The following NOTCH3 variants were observed in gnomAD, a reference collection of about 807,000 sequenced individuals.
NOTCH3 encodes notch receptor 3, also known as neurogenic locus notch homolog protein 3.
A neutral mutation model predicts 213.3 loss-of-function variants in NOTCH3; 86 were observed. That is an observed-to-expected ratio of 0.40 (90% CI 0.34 to 0.48). NOTCH3 has a LOEUF of 0.48. NOTCH3 is among the 20% of genes least tolerant of loss of function. NOTCH3 has a pLI of 0.57. For missense variants in NOTCH3, 2,783 were observed against 3,272.6 expected (o/e 0.85, Z 3.65); for synonymous variants, 1,354 against 1,355.9 (o/e 1.00, Z 0.03).
chr19:15,165,844 G>A lies in NOTCH3; in HGVS notation c.5610C>T (p.His1870=). The A allele has an allele frequency of 6.2e-7, 1 of 1,613,992 alleles. No homozygotes were observed. The highest frequency in any genetic ancestry group is 8.5e-7 in the Non-Finnish European group (1 of 1,180,024). The part of the protein sequence containing the change: ...DAGADTNAQD[H]SGRTPLHTAV... ...CTGTGTGCAGGGGAGTGCGGCCTGAGTGGTCCTGGGCATTGGTGTCTGCCC... is the reference window on the plus strand; with the variant it reads ...CTGTGTGCAGGGGAGTGCGGCCTGAATGGTCCTGGGCATTGGTGTCTGCCC... Residue 1870 remains histidine (H), a synonymous_variant, in exon 30 of 33, where the codon CAC becomes CAT. Transcript: ENST00000263388. This position sits in a 1 kb window ranked among gnomAD's most constrained non-coding sequence, Gnocchi z 4.7.
intron 1 of NOTCH3, among the ~76,000 whole-genome samples, chr19:15,199,817 G>T (rs1362832106): frequency 6.6e-6 from 1 of 151,846 alleles, no homozygotes; most frequent in Non-Finnish European, 1.5e-5. Context: ...CCCGCCCAGC[G>T]CCAAGCCCCA....
At chr19:15,197,441 G>GGGCCCC in intron 2 of NOTCH3, 59 bp downstream of exon 2, 58 of 768,236 alleles carry the variant, frequency 7.5e-5, no homozygotes, top group Middle Eastern at 5.6e-4. Flanking sequence ...AAGACAAATC[G>GGGCCCC]CCCCTCCCCC....
At chr19:15,196,988 A>G (rs2046974340) in intron 2 of NOTCH3, among the ~76,000 whole-genome samples, 1 of 152,134 alleles carries the variant, frequency 6.6e-6, no homozygotes, top group Non-Finnish European at 1.5e-5. Flanking sequence ...CACAGGTGCA[A>G]TGATGATCAG....
At position 15,181,018 on chromosome 19, in the gene NOTCH3, G is replaced by A. The variant is rs754924193; in HGVS notation, c.2937C>T (p.Ala979=). The change falls in exon 18 of 33, where the codon GCC becomes GCT. Residue 979 remains alanine, a synonymous_variant. Coordinates refer to ENST00000263388, the MANE Select transcript of NOTCH3 (RefSeq NM_000435.3). The part of the protein sequence containing the change: ...RPCLHGGVCS[A]AHPGFRCTCL... ...AGGTGCAGCGGAAGCCAGGGTGGGC[G>A]GCGCTGCAGACGCCCCCGTGTAGGC... is the stretch of plus-strand genomic sequence containing the variant. 34 of 1,598,738 alleles carry A rather than the reference G, an allele frequency of 2.1e-5. No homozygotes were observed. Among genetic ancestry groups the A allele is most frequent in the Non-Finnish European group, 2.8e-5 (33 of 1,173,790 alleles).
At chr19:15,172,679 T>C (rs2046744555) in intron 25 of NOTCH3, among the ~76,000 whole-genome samples, 1 of 151,202 alleles carries the variant, frequency 6.6e-6, no homozygotes, top group African/African-American at 2.4e-5. Context: ...TTTTTTTTTT[T>C]TTTTGAGACA....
chr19:15,179,490 G>A lies in NOTCH3; in HGVS notation c.3334C>T (p.Pro1112Ser). ...YMGGYMCECL[P>S]GYNGDNCEDD... ...TCACAGTTATCACCATTGTAGCCAG[G>A]AAGACACTTCAGTGGGGTAAGAGAG... is the stretch of plus-strand genomic sequence containing the variant. Residue 1112 changes from proline (P) to serine (S), a missense_variant, in exon 21 of 33, where the codon CCT becomes TCT. By Grantham distance (74) the Pro-to-Ser change is moderately conservative (BLOSUM62 -1). Around this residue, in one of 6 missense-constraint regions of NOTCH3, gnomAD observed 861 missense variants for 909.1 expected, o/e 0.95. Coordinates refer to ENST00000263388, the MANE Select transcript of NOTCH3 (RefSeq NM_000435.3). The A allele has an allele frequency of 6.2e-7, 1 of 1,613,970 alleles. No individual in the cohort carries two copies. Among genetic ancestry groups the A allele is most frequent in the African/African-American group, 1.3e-5 (1 of 75,032 alleles).
chr19:15,178,542 G>T lies in NOTCH3; in HGVS notation c.3837+281C>A, dbSNP rs567777827. On this transcript the variant is annotated intron_variant, in intron 23 of 32. Transcript: ENST00000263388. ...TGGGATTACAGGCAGCTGCCACTAC[G>T]CCCGGCTAATTTTTATATTTTTAGT... The T allele has an allele frequency of 4.2e-4, 205 of 493,902 alleles. 1 individual carries two copies. The highest frequency in any genetic ancestry group is 6.8e-4 in the Non-Finnish European group (182 of 269,088). 30.6% of individuals were successfully genotyped at this position (493,902 alleles called of 1,614,324 possible).
rs2046869640 is a variant in NOTCH3 at position 15,185,022 on chromosome 19, G to A, written c.2297-3C>T. On this transcript the variant is annotated splice_polypyrimidine_tract_variant and splice_region_variant and intron_variant, in intron 14 of 32. Transcript: ENST00000263388. This position sits in a 1 kb window ranked among gnomAD's most constrained non-coding sequence, Gnocchi z 4.2. ...GGAGAGGAGTTCACACTGACGTCCT[G>A]TTGGGGGTGGAAGAGAGGGAAGCAG... 2.7e-6 allele frequency: 4 copies of A among 1,457,658 alleles called. No homozygotes were observed. Among genetic ancestry groups the A allele is most frequent in the Non-Finnish European group, 3.7e-6 (4 of 1,073,024 alleles). The allele number at this position is 1,457,658 out of a possible 1,614,324, so 90.3% of individuals were successfully genotyped here.
chr19:15,169,186 GTCTCTCTCTCTCTCTCTCTCTCTCTC>G (rs56916343), intron 28 of NOTCH3, among the ~76,000 whole-genome samples: 7 of 146,654 alleles, frequency 4.8e-5, no homozygotes, highest in Admixed American at 3.5e-4. Flanking sequence ...TGTCAAATCT[GTCTCTCTCTCTCTCTCTCTCTCTCTC>G]TCTCTCTCTC....
intron 16 of NOTCH3, among the ~76,000 whole-genome samples, chr19:15,184,071 A>G (rs915914422): frequency 7.5e-5 from 11 of 146,238 alleles, no homozygotes; most frequent in African/African-American, 2.8e-4. Flanking sequence ...AAAAAGAGGC[A>G]GCACACAGAC....
chr19:15,170,469 A>G lies in NOTCH3; in HGVS notation c.4976T>C (p.Val1659Ala). The G allele has an allele frequency of 6.2e-7, 1 of 1,608,128 alleles. No individual in the cohort carries two copies. ...AGAVLLLVIL[V>A]LGVMVARRKR... Reference sequence around the variant, plus strand: ...GCGCCGGGCCACCATGACACCCAGGACGAGAATGACCAGCAGCAAGACAGC... The same window carrying G: ...GCGCCGGGCCACCATGACACCCAGGGCGAGAATGACCAGCAGCAAGACAGC... Residue 1659 changes from valine (V) to alanine (A), a missense_variant, in exon 27 of 33, where the codon GTC becomes GCC. This residue lies in a region of NOTCH3 where 636 missense variants were observed against 801.8 expected (regional missense o/e 0.79). Transcript: ENST00000263388.
chr19:15,200,703 T>G, intron 1 of NOTCH3, 85 bp downstream of exon 1: 1 of 1,058,864 alleles, frequency 9.4e-7, no homozygotes, highest in Non-Finnish European at 1.2e-6. Flanking sequence ...CTGCCTCCCA[T>G]GAACCCCCGC....
Position 15,170,110 on chromosome 19 carries a change from C to T in NOTCH3, c.5175G>A (p.Glu1725=). ...CCTTTAGCCGCTTGGCCTCTGGGCA[C>T]TCTGTGTCCATCCAGTCTGTGGCCA... ...GEVATDWMDT[E]CPEAKRLKVE... The change falls in exon 28 of 33, where the codon GAG becomes GAA. Residue 1725 remains glutamate (E), a synonymous_variant. Transcript: ENST00000263388. 6.2e-7 allele frequency: 1 copy of T among 1,600,018 alleles called. No individual in the cohort carries two copies. The highest frequency in any genetic ancestry group is 1.1e-5 in the South Asian group (1 of 88,760).
chr19:15,197,477 G>T lies in NOTCH3; in HGVS notation c.197+23C>A, dbSNP rs202151374. 8,659 of 1,539,448 alleles carry T rather than the reference G, an allele frequency of 5.6e-3. 40 individuals are homozygous for T. The highest frequency in any genetic ancestry group is 7.1e-3 in the Non-Finnish European group (7,930 of 1,121,732). ...CCGCCCCCACACACAGGGCCCACTGGTGGCTCTGAGCCAGGCACTCACAGG... is the reference window on the plus strand; with the variant it reads ...CCGCCCCCACACACAGGGCCCACTGTTGGCTCTGAGCCAGGCACTCACAGG... On this transcript the variant is annotated intron_variant, in intron 2 of 32. Transcript: ENST00000263388.
At chr19:15,200,415 G>T (rs925570144) in intron 1 of NOTCH3, among the ~76,000 whole-genome samples, 1 of 151,860 alleles carries the variant, frequency 6.6e-6, no homozygotes, top group African/African-American at 2.4e-5. Context: ...CCCCGGCCTA[G>T]AAGTACCTGG....
chr19:15,173,765 G>T (rs1421158365), intron 25 of NOTCH3, among the ~76,000 whole-genome samples: 1 of 2,868 alleles, frequency 3.5e-4, no homozygotes, highest in African/African-American at 4.4e-3. Flanking sequence ...AGAAGGAGAA[G>T]GAGAAGGAGA....
rs1420223483 is a variant in NOTCH3, at chr19:15,184,289, A to T, written c.2566+6T>A. 8 of 1,613,560 alleles carry T rather than the reference A, an allele frequency of 5.0e-6. No individual in the cohort carries two copies. In the East Asian group the frequency reaches 1.6e-4, roughly 31 times the overall value. On this transcript the variant is annotated splice_donor_region_variant and intron_variant, in intron 16 of 32. Coordinates refer to ENST00000263388, the MANE Select transcript of NOTCH3 (RefSeq NM_000435.3). Reference sequence around the variant, plus strand: ...GCAGCACCCCCAAGAGCTCCCCTGCACTCACTGGGGTCACAGTCATTGATG... The same window carrying T: ...GCAGCACCCCCAAGAGCTCCCCTGCTCTCACTGGGGTCACAGTCATTGATG...
chr19:15,200,744 C>T, intron 1 of NOTCH3, 44 bp downstream of exon 1: 1 of 1,234,834 alleles, frequency 8.1e-7, no homozygotes, highest in Non-Finnish European at 1.0e-6. Flanking sequence ...CTTGCACTCC[C>T]CCTCTGCCGC....
intron 16 of NOTCH3, among the ~76,000 whole-genome samples, chr19:15,184,016 G>C (rs1368844326): frequency 8.5e-6 from 1 of 117,170 alleles, no homozygotes; most frequent in Non-Finnish European, 1.6e-5. Context: ...GCACTCCAGC[G>C]ACAGAGCTAA....
Sources: gnomAD v4.1 joint callset for allele counts (sites outside exome capture counted in the v4.1 genomes callset) on GRCh38, gnomAD v4.1.1 for gene constraint, gnomAD v4.1.1 regional missense constraint, Gnocchi (gnomAD v3.1) non-coding constraint, MANE v1.5 for transcripts, NCBI Gene and HGNC (gene_info 2026-07-23, HGNC 2026-07-21) for gene names.